PTPRG: variants seen among roughly 807,000 people sequenced by gnomAD.
PTPRG encodes protein tyrosine phosphatase receptor type G.
PTPRG carries 102 observed loss-of-function variants against 165.3 expected under a neutral mutation model. That is an observed-to-expected ratio of 0.62 (90% CI 0.53 to 0.73). The LOEUF is 0.73. Ranked by LOEUF, PTPRG falls within the 30% of genes least tolerant of loss-of-function variation. The pLI is 0.00. For missense variants in PTPRG, 1,866 were observed against 1,861.4 expected, an observed-to-expected ratio of 1.00 and a Z score of -0.05; for synonymous variants, 675 against 669.5, an observed-to-expected ratio of 1.01 and a Z score of -0.13.
chr3:61,952,122 A>G (rs1409962880), intron 2 of PTPRG, among the ~76,000 whole-genome samples: 20 of 141,196 alleles, frequency 1.4e-4, no homozygotes, highest in African/African-American at 5.4e-4. Context: ...ACCTCAGAAA[A>G]AAAAAAAAAA....
intron 4 of PTPRG, among the ~76,000 whole-genome samples, chr3:62,057,986 A>G (rs76856923): frequency 0.016 from 2,385 of 152,356 alleles, 31 homozygotes; most frequent in East Asian, 0.07. Context: ...AATAAAGCCC[A>G]ATACTCTAAC....
At chr3:61,658,516 G>A (rs1245636830) in intron 1 of PTPRG, among the ~76,000 whole-genome samples, 1 of 152,152 alleles carries the variant, frequency 6.6e-6, no homozygotes, top group Non-Finnish European at 1.5e-5. Flanking sequence ...TGAAAATAGG[G>A]ATCTAATGTC....
At chr3:61,621,043 A>ATGTGTGTGTGTGTG (rs1342796229) in intron 1 of PTPRG, among the ~76,000 whole-genome samples, 1 of 87,802 alleles carries the variant, frequency 1.1e-5, no homozygotes, top group African/African-American at 4.1e-5. Context: ...GTATATATAT[A>ATGTGTGTGTGTGTG]TATATATATG....
chr3:61,662,831 A>G (rs1005863626), intron 1 of PTPRG, among the ~76,000 whole-genome samples: 11 of 152,182 alleles, frequency 7.2e-5, no homozygotes, highest in Admixed American at 2.0e-4. Flanking sequence ...CCTCTCAACT[A>G]AGACTTATTG....
intron 3 of PTPRG, among the ~76,000 whole-genome samples, chr3:62,000,011 C>T (rs150303219): frequency 1.3e-5 from 2 of 152,122 alleles, no homozygotes; most frequent in South Asian, 2.1e-4. Flanking sequence ...ATCTCCCCCC[C>T]AGGCCCGGGC....
At chr3:61,912,063 G>A (rs755156823) in intron 2 of PTPRG, among the ~76,000 whole-genome samples, 4 of 151,992 alleles carry the variant, frequency 2.6e-5, no homozygotes, top group Non-Finnish European at 5.9e-5. Flanking sequence ...TTTTGTGAGT[G>A]GTGTAAGGAG....
chr3:62,042,559 G>A (rs12487129), intron 4 of PTPRG, among the ~76,000 whole-genome samples: 1 of 151,906 alleles, frequency 6.6e-6, no homozygotes, highest in East Asian at 1.9e-4. Flanking sequence ...CTCCCGCACC[G>A]CCACCCTGCA....
chr3:62,117,872 A>C (rs1048302791), intron 5 of PTPRG, among the ~76,000 whole-genome samples: 2 of 152,190 alleles, frequency 1.3e-5, no homozygotes, highest in African/African-American at 4.8e-5. Flanking sequence ...TGCTTAGTAA[A>C]TATTTGTTGA....
intron 2 of PTPRG, among the ~76,000 whole-genome samples, chr3:61,968,657 G>A (rs72885871): frequency 0.015 from 2,263 of 152,178 alleles, 58 homozygotes; most frequent in African/African-American, 0.051. Flanking sequence ...TAAAATTCCA[G>A]GTAAAATTAA....
At chr3:61,899,109 G>T (rs1441510744) in intron 2 of PTPRG, among the ~76,000 whole-genome samples, 1 of 152,116 alleles carries the variant, frequency 6.6e-6, no homozygotes, top group Non-Finnish European at 1.5e-5. Flanking sequence ...TAGAGATGGA[G>T]TCCCATTCTG....
rs372921208 is a variant in PTPRG at position 61,914,959 on chromosome 3, G to C, written c.191-74666G>C. On this transcript the variant is annotated intron_variant, in intron 2 of 29. Coordinates refer to ENST00000474889, the MANE Select transcript of PTPRG (RefSeq NM_002841.4). ...CATAATAATTAAGTGGGCTGGGTGC[G>C]GTGACTCACGCCTATAATCCCAGCA... Among the ~76,000 whole-genome samples the C allele has an allele frequency of 3.0e-4, 45 of 152,284 alleles. 1 individual carries two copies. The highest frequency in any genetic ancestry group is 9.6e-4 in the East Asian group (5 of 5,184).
At chr3:61,765,838 A>G (rs2033999750) in intron 2 of PTPRG, among the ~76,000 whole-genome samples, 1 of 152,200 alleles carries the variant, frequency 6.6e-6, no homozygotes, top group Admixed American at 6.5e-5. Flanking sequence ...ATATTTATCT[A>G]CACGTGTTAT....
rs191048445 is a variant in PTPRG, at chr3:62,176,544, T to A, written c.1033+8381T>A. Among the ~76,000 whole-genome samples the A allele has an allele frequency of 2.0e-4, 31 of 152,238 alleles. No homozygotes were observed. The East Asian group carries it at 6.0e-3, about 29-fold the overall frequency. On this transcript the variant is annotated intron_variant, in intron 8 of 29. Transcript: ENST00000474889. ...GTACTCCTTCCCTGAATGAAGGAGCTTTAAAAGGAAACATACTTGTGGGAA... is the reference window on the plus strand; with the variant it reads ...GTACTCCTTCCCTGAATGAAGGAGCATTAAAAGGAAACATACTTGTGGGAA...
intron 28 of PTPRG, among the ~76,000 whole-genome samples, chr3:62,290,503 A>G (rs1039827093): frequency 3.3e-5 from 5 of 152,204 alleles, no homozygotes; most frequent in Admixed American, 1.3e-4. Flanking sequence ...AGCCAAGACT[A>G]TTACAGAAAC....
At chr3:61,866,140 C>T (rs895294523) in intron 2 of PTPRG, among the ~76,000 whole-genome samples, 8 of 152,162 alleles carry the variant, frequency 5.3e-5, no homozygotes, top group Admixed American at 1.3e-4. Context: ...CATGCAGCAC[C>T]GGTCCTCCTG....
At chr3:62,250,731 G>T (rs1701391512) in intron 15 of PTPRG, among the ~76,000 whole-genome samples, 1 of 152,138 alleles carries the variant, frequency 6.6e-6, no homozygotes, top group Admixed American at 6.5e-5. Flanking sequence ...TTTGAGGTCA[G>T]CGTTATCTCA....
At chr3:62,036,983 G>GCGCGCACACACACACACA (rs145992725) in intron 4 of PTPRG, among the ~76,000 whole-genome samples, 1 of 150,456 alleles carries the variant, frequency 6.6e-6, no homozygotes, top group East Asian at 2.0e-4. Flanking sequence ...GCGCGCGCAC[G>GCGCGCACACACACACACA]CACACACACA....
intron 2 of PTPRG, among the ~76,000 whole-genome samples, chr3:61,888,834 A>T (rs945335666): frequency 1.3e-5 from 2 of 152,120 alleles, no homozygotes; most frequent in African/African-American, 2.4e-5. Flanking sequence ...CTTAATCTGG[A>T]ACTGTTCCTG....
At chr3:61,865,563 C>T (rs183460449) in intron 2 of PTPRG, among the ~76,000 whole-genome samples, 48 of 152,272 alleles carry the variant, frequency 3.2e-4, no homozygotes, top group Non-Finnish European at 5.7e-4. Flanking sequence ...ATTAAGGGTA[C>T]TACCTTCATA....
Sources: allele counts gnomAD v4.1 joint callset (sites outside exome capture counted in the v4.1 genomes callset), GRCh38; gene constraint gnomAD v4.1.1; transcripts MANE v1.5; gene names NCBI Gene and HGNC (gene_info 2026-07-23, HGNC 2026-07-21).